The following GET4 variants were observed in gnomAD, a reference collection of about 807,000 sequenced individuals.
GET4 encodes Golgi to ER traffic protein 4 homolog.
GET4 carries 20 observed loss-of-function variants against 40.0 expected under a neutral mutation model. The ratio of observed to expected loss-of-function variants is 0.50; its 90% CI spans 0.35 to 0.73. The LOEUF is 0.73. Ranked by LOEUF, GET4 falls within the 30% of genes least tolerant of loss-of-function variation. The pLI, the probability that GET4 is intolerant of heterozygous loss-of-function variation, is 0.01. For synonymous variants in GET4, 280 were observed against 194.6 expected, an observed-to-expected ratio of 1.44 and a Z score of -3.65; for missense variants, 557 against 454.0, an observed-to-expected ratio of 1.23 and a Z score of -2.06.
Position 877,406 on chromosome 7 carries a change from C to T in GET4, c.155+606C>T, listed in dbSNP as rs527628107. Among the ~76,000 whole-genome samples the T allele has an allele frequency of 7.5e-4, 85 of 112,830 alleles. 1 individual carries two copies. The highest frequency in any genetic ancestry group is 2.8e-3 in the African/African-American group (79 of 28,160). The allele number at this position is 112,830 out of a possible 152,430, so 74.0% of individuals were successfully genotyped here. On this transcript the variant is annotated intron_variant, in intron 1 of 8. Coordinates refer to ENST00000265857, the MANE Select transcript of GET4 (RefSeq NM_015949.3). ...TCCAGCCTCCCCCTGCTCCCTCCGT[C>T]TCTCTCTCCCCGGCCTCCCCCTGCC... is the stretch of plus-strand genomic sequence containing the variant.
intron 6 of GET4, 90 bp from the exon 7 acceptor site, chr7:893,650 G>A (rs912402352): frequency 7.6e-6 from 6 of 788,622 alleles, no homozygotes; most frequent in Non-Finnish European, 1.1e-5. Flanking sequence ...GTGTGTGCAG[G>A]TGAGTGTTGG....
intron 1 of GET4, chr7:881,119 C>G (rs1199162338): frequency 1.3e-5 from 2 of 152,192 alleles, no homozygotes; most frequent in Non-Finnish European, 2.9e-5. Flanking sequence ...CCCGCCCCAG[C>G]CTCCCAAAGT....
chr7:877,099 C>T (rs956622335), intron 1 of GET4, among the ~76,000 whole-genome samples: 5 of 151,694 alleles, frequency 3.3e-5, no homozygotes, highest in Non-Finnish European at 7.4e-5. Context: ...CCTCCTCCGT[C>T]CCCACACGCC....
chr7:888,883 G>A (rs1018699230), intron 4 of GET4, among the ~76,000 whole-genome samples: 1 of 152,246 alleles, frequency 6.6e-6, no homozygotes, highest in African/African-American at 2.4e-5. Context: ...CCCACCCCCT[G>A]CCCGGGAGCT....
chr7:893,099 TGATGTG>T (rs1844370080), intron 6 of GET4, among the ~76,000 whole-genome samples: 1 of 127,742 alleles, frequency 7.8e-6, no homozygotes, highest in African/African-American at 3.1e-5. Flanking sequence ...GCGGGCGTGG[TGATGTG>T]TGCAGGCAAG....
chr7:894,478 G>T (rs1036281352), intron 8 of GET4, among the ~76,000 whole-genome samples: 2 of 152,174 alleles, frequency 1.3e-5, no homozygotes, highest in Non-Finnish European at 2.9e-5. Flanking sequence ...GAGGTGTGAG[G>T]TGGTGACCTC....
In GET4 at chr7:893,906, A is replaced by T; in HGVS notation, c.830A>T (p.Asp277Val). The T allele has an allele frequency of 6.2e-7, 1 of 1,610,972 alleles. No homozygotes were observed. Among genetic ancestry groups the T allele is most frequent in the Non-Finnish European group, 8.5e-7 (1 of 1,178,038 alleles). The change falls in exon 8 of 9, where the codon GAC (aspartate) becomes GTC (valine). Residue 277 changes from aspartate to valine, a missense_variant. Asp to Val is a radical substitution (Grantham distance 152). Coordinates refer to ENST00000265857, the MANE Select transcript of GET4 (RefSeq NM_015949.3). Reference protein sequence around the residue: ...RRDPMYNEYLDRIGQLFFGVP... With the variant: ...RRDPMYNEYLVRIGQLFFGVP... ...GCTGCCTGTGCCTTGCAGTACCTCG[A>T]CCGCATAGGACAGCTGTTCTTCGGC...
At chr7:893,031 G>A (rs542886517) in intron 6 of GET4, among the ~76,000 whole-genome samples, 12 of 148,182 alleles carry the variant, frequency 8.1e-5, no homozygotes, top group African/African-American at 1.8e-4. Flanking sequence ...GGGTGTAGGC[G>A]TGTGTGCAGG....
Position 889,842 on chromosome 7 carries a change from C to A in GET4, c.467-1086C>A, listed in dbSNP as rs75406794. On this transcript the variant is annotated intron_variant, in intron 4 of 8. Coordinates refer to ENST00000265857, the MANE Select transcript of GET4 (RefSeq NM_015949.3). ...ACGGGGTCTGGGAGTGGAGGGAGCG[C>A]GAGCGGGTGTTAGGACGGGGTCTGG... is the stretch of plus-strand genomic sequence containing the variant. Among the ~76,000 whole-genome samples, 19 of 8,958 alleles carry A rather than the reference C, an allele frequency of 2.1e-3. No individual in the cohort carries two copies. The East Asian group carries it at 0.065, about 30-fold the overall frequency. 5.9% of individuals were successfully genotyped at this position (8,958 alleles called of 152,430 possible).
chr7:886,489 TG>T (rs1457897186), intron 2 of GET4, 79 bp from the exon 3 acceptor site: 1 of 1,071,774 alleles, frequency 9.3e-7, no homozygotes, highest in African/African-American at 1.6e-5. Context: ...TGGCTTCTGC[TG>T]GAAACCCAGC....
rs1034663175 is a variant in GET4 at position 896,264 on chromosome 7, C to T, written c.*842C>T. ...TGTCAGATGCTACTCCAAATGTTAC[C>T]AGAACGATGACAAAAGGGGAGACGC... On this transcript the variant is annotated 3_prime_UTR_variant, in exon 9 of 9. Transcript: ENST00000265857. The T allele has an allele frequency of 2.6e-5, 4 of 152,222 alleles. No homozygotes were observed. Among genetic ancestry groups the T allele is most frequent in the Non-Finnish European group, 4.4e-5 (3 of 68,042 alleles). The allele number at this position is 152,222 out of a possible 1,614,324, so 9.4% of individuals were successfully genotyped here. A position where few individuals can be genotyped will look rare whatever the true frequency, so the allele number is the denominator to read the frequency against.
chr7:879,997 T>G (rs1844051497), intron 1 of GET4: 1 of 152,242 alleles, frequency 6.6e-6, no homozygotes, highest in Non-Finnish European at 1.5e-5. Flanking sequence ...ACTTTTATGT[T>G]GTTCAGCATT....
Position 876,717 on chromosome 7 carries a change from G to A in GET4, c.72G>A (p.Gln24=). The part of the protein sequence containing the change: ...RNGGRNRGGV[Q]RVEGKLRASV... Reference sequence around the variant, plus strand: ...GCGGCCGCAACCGCGGCGGCGTCCAGCGTGTGGAGGGCAAGCTGCGCGCCA... The same window carrying A: ...GCGGCCGCAACCGCGGCGGCGTCCAACGTGTGGAGGGCAAGCTGCGCGCCA... Residue 24 remains glutamine (Q), a synonymous_variant, in exon 1 of 9, where the codon CAG becomes CAA. Transcript: ENST00000265857. 4 of 1,373,996 alleles carry A rather than the reference G, an allele frequency of 2.9e-6. No homozygotes were observed. The highest frequency in any genetic ancestry group is 3.0e-5 in the South Asian group (2 of 67,596). The allele number at this position is 1,373,996 out of a possible 1,614,324, so 85.1% of individuals were successfully genotyped here.
chr7:890,470 G>A (rs1844295151), intron 4 of GET4, among the ~76,000 whole-genome samples: 1 of 151,952 alleles, frequency 6.6e-6, no homozygotes, highest in African/African-American at 2.4e-5. Flanking sequence ...TGGGAGTGGT[G>A]TGTGTTCATG....
chr7:882,921 A>G (rs7808288), intron 1 of GET4: 129,391 of 152,374 alleles, frequency 0.85, 55,530 homozygotes, highest in East Asian at 1. Flanking sequence ...CTGTCTGCCC[A>G]CACGGTCGTG....
intron 4 of GET4, among the ~76,000 whole-genome samples, chr7:888,447 G>A (rs569746968): frequency 6.6e-6 from 1 of 152,244 alleles, no homozygotes; most frequent in Non-Finnish European, 1.5e-5. Context: ...GAGGCTCGGC[G>A]CCCTCAGGCA....
chr7:895,791 C>T lies in GET4; in HGVS notation c.*369C>T, dbSNP rs549833761. On this transcript the variant is annotated 3_prime_UTR_variant, in exon 9 of 9. Coordinates refer to ENST00000265857, the MANE Select transcript of GET4 (RefSeq NM_015949.3). ...GGGCTGCGCACATCACGCTCCTTGC[C>T]GGGCGTCCGGCACAGCTGCGGTCAC... 8 of 162,334 alleles carry T rather than the reference C, an allele frequency of 4.9e-5. No individual in the cohort carries two copies. The highest frequency in any genetic ancestry group is 1.7e-4 in the East Asian group (1 of 5,866). 10.1% of individuals were successfully genotyped at this position (162,334 alleles called of 1,614,324 possible).
At position 890,941 on chromosome 7, in the gene GET4, T is replaced by G. The variant is rs1844308224; in HGVS notation, c.480T>G (p.Cys160Trp). ...ALTLWKEQNY[C>W]ESRYHFLHSA... ...TTTCCTTTGCAGAACAAAACTATTG[T>G]GAGTCGAGGTATCATTTTCTGCACT... The change falls in exon 5 of 9, where the codon TGT becomes TGG. Residue 160 changes from cysteine (C) to tryptophan (W), a missense_variant. By Grantham distance (215) the Cys-to-Trp change is radical. Transcript: ENST00000265857. The G allele has an allele frequency of 1.2e-6, 2 of 1,606,152 alleles. No homozygotes were observed. Among genetic ancestry groups the G allele is most frequent in the Non-Finnish European group, 1.7e-6 (2 of 1,172,964 alleles).
intron 4 of GET4, among the ~76,000 whole-genome samples, chr7:887,915 C>T (rs1050323979): frequency 4.6e-5 from 7 of 152,062 alleles, no homozygotes; most frequent in Admixed American, 1.3e-4. Flanking sequence ...GGATTAATCA[C>T]CCTGTGGTGG....
Sources: allele counts gnomAD v4.1 joint callset (sites outside exome capture counted in the v4.1 genomes callset), GRCh38; gene constraint gnomAD v4.1.1; transcripts MANE v1.5; gene names NCBI Gene and HGNC (gene_info 2026-07-23, HGNC 2026-07-21).